The following BMPR2 variants were observed in gnomAD, a reference collection of about 807,000 sequenced individuals.
BMPR2 encodes bone morphogenetic protein receptor type-2.
A neutral mutation model predicts 100.8 loss-of-function variants in BMPR2; 29 were observed. The ratio of observed to expected loss-of-function variants is 0.29; its 90% CI spans 0.21 to 0.39. The LOEUF is 0.39. Ranked by LOEUF, BMPR2 falls within the 10% of genes least tolerant of loss-of-function variation. BMPR2 has a pLI of 1.00. For missense variants in BMPR2, 1,011 were observed against 1,274.5 expected, an observed-to-expected ratio of 0.79 and a Z score of 3.15; for synonymous variants, 382 against 442.3, an observed-to-expected ratio of 0.86 and a Z score of 1.71.
intron 1 of BMPR2, among the ~76,000 whole-genome samples, chr2:202,440,316 C>T (rs894015763): frequency 1.3e-5 from 2 of 149,384 alleles, no homozygotes; most frequent in Non-Finnish European, 2.9e-5. Context: ...ACACACTCCT[C>T]AGTTCCCAGA....
intron 1 of BMPR2, among the ~76,000 whole-genome samples, chr2:202,451,275 C>T (rs1322710794): frequency 6.6e-6 from 1 of 152,202 alleles, no homozygotes; most frequent in East Asian, 1.9e-4. Context: ...GACTCAATAA[C>T]ACCTTTTAAT....
Position 202,562,622 on chromosome 2 carries a change from TAA to T in BMPR2, c.*2679_*2680del, listed in dbSNP as rs1688693669. On this transcript the variant is annotated 3_prime_UTR_variant, in exon 13 of 13. Transcript: ENST00000374580. ...TGTAGAAAAGTGGGGTCCTTTTGAA[TAA>T]AAGATCATTCAACTAAAAATATTAA... The T allele has an allele frequency of 6.6e-6, 1 of 152,214 alleles. No homozygotes were observed. Among genetic ancestry groups the T allele is most frequent in the Middle Eastern group, 3.2e-3 (1 of 316 alleles). 9.4% of individuals were successfully genotyped at this position (152,214 alleles called of 1,614,324 possible). A position where few individuals can be genotyped will look rare whatever the true frequency, so the allele number is the denominator to read the frequency against.
At chr2:202,426,426 C>G (rs910178902) in intron 1 of BMPR2, among the ~76,000 whole-genome samples, 1 of 151,648 alleles carries the variant, frequency 6.6e-6, no homozygotes, top group Non-Finnish European at 1.5e-5. Context: ...ACTAAAAATA[C>G]AAAAATTAGG....
At chr2:202,436,029 T>C (rs904653305) in intron 1 of BMPR2, among the ~76,000 whole-genome samples, 2 of 150,826 alleles carry the variant, frequency 1.3e-5, no homozygotes, top group Non-Finnish European at 2.9e-5. Flanking sequence ...TTTAGTTTTA[T>C]GTTTACCTTT....
At chr2:202,377,637 C>G (rs965522856) in intron 1 of BMPR2, 87 bp downstream of exon 1, 54 of 1,473,030 alleles carry the variant, frequency 3.7e-5, no homozygotes, top group Non-Finnish European at 4.6e-5. Flanking sequence ...CTGTGCTTGC[C>G]CTTCGCCATG....
chr2:202,388,114 T>C (rs879345914), intron 1 of BMPR2, among the ~76,000 whole-genome samples: 7 of 152,084 alleles, frequency 4.6e-5, no homozygotes, highest in African/African-American at 1.7e-4. Context: ...GAATCATTGT[T>C]TGGCTGTCAC....
chr2:202,518,970 T>C lies in BMPR2; in HGVS notation c.770T>C (p.Ile257Thr), dbSNP rs368027047. Residue 257 changes from isoleucine (I) to threonine (T), a missense_variant, in exon 6 of 13, where the codon ATT (isoleucine) becomes ACT (threonine). Physicochemically the swap from Ile to Thr is moderately conservative, Grantham distance 89 (BLOSUM62 -1). Coordinates refer to ENST00000374580, the MANE Select transcript of BMPR2 (RefSeq NM_001204.7). ...GTGCCTTTGATGGAACATGACAACA[T>C]TGCCCGCTTTATAGTTGGAGATGAG... ...YRVPLMEHDN[I>T]ARFIVGDERV... 42 of 1,614,064 alleles carry C rather than the reference T, an allele frequency of 2.6e-5. No homozygotes were observed. Among genetic ancestry groups the C allele is most frequent in the Middle Eastern group, 1.6e-4 (1 of 6,084 alleles).
intron 3 of BMPR2, among the ~76,000 whole-genome samples, chr2:202,472,746 C>T (rs1460609923): frequency 6.6e-6 from 1 of 152,190 alleles, no homozygotes; most frequent in Non-Finnish European, 1.5e-5. Context: ...TTACCTAGGT[C>T]TTAGTTTAGT....
At chr2:202,392,164 G>A (rs554444499) in intron 1 of BMPR2, among the ~76,000 whole-genome samples, 21 of 151,618 alleles carry the variant, frequency 1.4e-4, no homozygotes, top group East Asian at 7.8e-4. Context: ...TCCGCCTGCC[G>A]GGTTCAAACG....
intron 1 of BMPR2, among the ~76,000 whole-genome samples, chr2:202,427,358 CAAAAAAAAAA>C (rs397872093): frequency 6.2e-4 from 49 of 78,862 alleles, no homozygotes; most frequent in Admixed American, 9.8e-4. Context: ...GACCCTGGCT[CAAAAAAAAAA>C]AAAAAAAAAA....
chr2:202,534,842 C>A (rs1017736102), intron 9 of BMPR2, among the ~76,000 whole-genome samples: 1 of 147,708 alleles, frequency 6.8e-6, no homozygotes, highest in Admixed American at 6.7e-5. Context: ...GGCGGCTGGC[C>A]AGGCGGGGGG....
chr2:202,473,484 AC>A (rs1282319242), intron 3 of BMPR2, among the ~76,000 whole-genome samples: 2 of 152,092 alleles, frequency 1.3e-5, no homozygotes, highest in Admixed American at 1.3e-4. Flanking sequence ...TTTAACAAAA[AC>A]ACATTTTAAA....
At chr2:202,419,450 A>G (rs1228858296) in intron 1 of BMPR2, among the ~76,000 whole-genome samples, 1 of 152,060 alleles carries the variant, frequency 6.6e-6, no homozygotes, top group East Asian at 1.9e-4. Flanking sequence ...TCTGCTGCCC[A>G]GGTTTAAGCG....
chr2:202,380,935 CCCTGGCCCTGGCCCTGGA>C (rs1559019487), intron 1 of BMPR2, among the ~76,000 whole-genome samples: 1 of 119,796 alleles, frequency 8.3e-6, no homozygotes, highest in South Asian at 2.6e-4. Context: ...CTGGCCCTGG[CCCTGGCCCTGGCCCTGGA>C]TTTCTTTCTT....
intron 1 of BMPR2, among the ~76,000 whole-genome samples, chr2:202,413,620 T>C (rs981260282): frequency 6.6e-6 from 1 of 152,056 alleles, no homozygotes; most frequent in Non-Finnish European, 1.5e-5. Flanking sequence ...ATCTATCTAA[T>C]ATATATTACA....
chr2:202,501,303 G>C (rs1687385831), intron 3 of BMPR2, among the ~76,000 whole-genome samples: 1 of 152,112 alleles, frequency 6.6e-6, no homozygotes, highest in South Asian at 2.1e-4. Context: ...TGCCGACTAT[G>C]GATCCCTGGA....
rs1167319224 is a variant in BMPR2, at chr2:202,567,473, A to C, written c.*7527A>C. 1.3e-5 allele frequency: 2 copies of C among 152,590 alleles called. No homozygotes were observed. Among genetic ancestry groups the C allele is most frequent in the Non-Finnish European group, 2.9e-5 (2 of 68,032 alleles). 9.5% of individuals were successfully genotyped at this position (152,590 alleles called of 1,614,324 possible). A position where few individuals can be genotyped will look rare whatever the true frequency, so the allele number is the denominator to read the frequency against. On this transcript the variant is annotated 3_prime_UTR_variant, in exon 13 of 13. Transcript: ENST00000374580. The stretch of plus-strand genomic sequence containing the variant: ...GTCTGAAGCCTTGCTATGCTGTATA[A>C]GTTGTGTTTGATGGATCAGTGTGAG...
chr2:202,426,460 A>G (rs1005726591), intron 1 of BMPR2, among the ~76,000 whole-genome samples: 5 of 151,124 alleles, frequency 3.3e-5, no homozygotes, highest in Non-Finnish European at 5.9e-5. Flanking sequence ...GGGTGCTTGT[A>G]ATCCCAGGTA....
chr2:202,440,560 G>T (rs1230503982), intron 1 of BMPR2, among the ~76,000 whole-genome samples: 3 of 150,718 alleles, frequency 2.0e-5, no homozygotes, highest in Non-Finnish European at 4.4e-5. Context: ...CTTCCCAGAC[G>T]GGGTGGCGGC....
Sources: gnomAD v4.1 joint callset for allele counts (sites outside exome capture counted in the v4.1 genomes callset) on GRCh38, gnomAD v4.1.1 for gene constraint, MANE v1.5 for transcripts, NCBI Gene and HGNC (gene_info 2026-07-23, HGNC 2026-07-21) for gene names.